Variants in B3GALT1 observed in about 807,000 individuals in gnomAD.
The protein encoded by B3GALT1 is UDP-Gal:betaGlcNAc beta 1,3-galactosyltransferase, polypeptide 1.
In B3GALT1, 10 loss-of-function variants were observed where a neutral mutation model predicts 23.2. That is an observed-to-expected ratio of 0.43 (90% CI 0.27 to 0.73). The LOEUF (loss-of-function observed/expected upper bound fraction) is 0.73, where lower values mean the gene tolerates loss of function less well. Among genes scored for constraint, B3GALT1 ranks in the 30% least tolerant of loss-of-function variants. The pLI is 0.21. For missense variants in B3GALT1, 299 were observed against 405.4 expected, an observed-to-expected ratio of 0.74 and a Z score of 2.25; for synonymous variants, 156 against 141.5, an observed-to-expected ratio of 1.10 and a Z score of -0.73.
At chr2:167,297,033 G>A (rs752974866) in intron 1 of B3GALT1, among the ~76,000 whole-genome samples, 16 of 152,012 alleles carry the variant, frequency 1.1e-4, no homozygotes, top group Non-Finnish European at 2.4e-4. Context: ...AGCTATGTAT[G>A]AGAACAATAA....
intron 3 of B3GALT1, among the ~76,000 whole-genome samples, chr2:167,774,074 C>T (rs1171594544): frequency 1.3e-5 from 2 of 152,106 alleles, no homozygotes; most frequent in Non-Finnish European, 2.9e-5. Flanking sequence ...ATGTAAAGCA[C>T]GTTTTTTCAT....
At position 167,477,903 on chromosome 2, in the gene B3GALT1, A is replaced by G. The variant is rs565894369; in HGVS notation, c.-510-12274A>G. On this transcript the variant is annotated intron_variant, in intron 1 of 4. Coordinates refer to ENST00000392690, the MANE Select transcript of B3GALT1 (RefSeq NM_020981.4). ...ACAACAAAAACACATTTTGAATGGC[A>G]GAATAGAAAATACTAACGATGTATG... Among the ~76,000 whole-genome samples the G allele has an allele frequency of 2.3e-4, 35 of 152,384 alleles. 1 individual carries two copies. In the Middle Eastern group the frequency reaches 0.01, roughly 44 times the overall value.
At chr2:167,331,047 T>C (rs1696965530) in intron 1 of B3GALT1, among the ~76,000 whole-genome samples, 2 of 152,200 alleles carry the variant, frequency 1.3e-5, no homozygotes, top group South Asian at 4.1e-4. Flanking sequence ...GCACTTGGGC[T>C]TCAATTCTGG....
chr2:167,532,985 C>T (rs552736858), intron 2 of B3GALT1, among the ~76,000 whole-genome samples: 1 of 151,786 alleles, frequency 6.6e-6, no homozygotes, highest in African/African-American at 2.4e-5. Flanking sequence ...CCTCAGCCTC[C>T]AGAATAGCTG....
At chr2:167,495,103 T>C (rs1244622673) in intron 2 of B3GALT1, among the ~76,000 whole-genome samples, 1 of 152,158 alleles carries the variant, frequency 6.6e-6, no homozygotes, top group Non-Finnish European at 1.5e-5. Flanking sequence ...ACAGCAGAAA[T>C]TCAGAGTAGA....
At chr2:167,543,934 C>T (rs370224256) in intron 2 of B3GALT1, among the ~76,000 whole-genome samples, 8 of 152,316 alleles carry the variant, frequency 5.3e-5, no homozygotes, top group African/African-American at 1.9e-4. Context: ...AATGCAGTGG[C>T]CTAAAAATGT....
chr2:167,716,026 G>T lies in B3GALT1; in HGVS notation c.-352+69060G>T, dbSNP rs1209201317. ...ATTCTGCGTAGCTCCTCCAGGACCAGCCCCAAGTAGGGCCGAGCGGTAGCG... is the reference window on the plus strand; with the variant it reads ...ATTCTGCGTAGCTCCTCCAGGACCATCCCCAAGTAGGGCCGAGCGGTAGCG... On this transcript the variant is annotated intron_variant, in intron 3 of 4. Coordinates refer to ENST00000392690, the MANE Select transcript of B3GALT1 (RefSeq NM_020981.4). The T allele has an allele frequency of 9.3e-6, 15 of 1,609,358 alleles. No individual in the cohort carries two copies. In the East Asian group the frequency reaches 3.3e-4, roughly 36 times the overall value.
intron 1 of B3GALT1, among the ~76,000 whole-genome samples, chr2:167,314,795 A>G (rs1696686696): frequency 6.6e-6 from 1 of 152,100 alleles, no homozygotes; most frequent in African/African-American, 2.4e-5. Flanking sequence ...TGAGATTCTG[A>G]ACTTCCTTCT....
At chr2:167,318,576 AAGG>A (rs1284007036) in intron 1 of B3GALT1, among the ~76,000 whole-genome samples, 2 of 152,106 alleles carry the variant, frequency 1.3e-5, no homozygotes, top group African/African-American at 4.8e-5. Context: ...TTTTCTATAT[AAGG>A]TTATAAAGTT....
chr2:167,718,512 C>T (rs1687185854), intron 3 of B3GALT1, among the ~76,000 whole-genome samples: 1 of 152,038 alleles, frequency 6.6e-6, no homozygotes. Context: ...TTTTCCTCAC[C>T]AGTTGCTAGG....
At chr2:167,376,504 T>A (rs1403244122) in intron 1 of B3GALT1, among the ~76,000 whole-genome samples, 1 of 152,152 alleles carries the variant, frequency 6.6e-6, no homozygotes, top group East Asian at 1.9e-4. Flanking sequence ...TTTTTATTAG[T>A]GATTCAATTT....
chr2:167,798,999 T>G (rs1258383559), intron 3 of B3GALT1, among the ~76,000 whole-genome samples: 1 of 152,218 alleles, frequency 6.6e-6, no homozygotes, highest in Non-Finnish European at 1.5e-5. Context: ...CAATAAATAT[T>G]TCTGAATGTC....
At chr2:167,848,947 G>A (rs1424384525) in intron 4 of B3GALT1, among the ~76,000 whole-genome samples, 1 of 152,020 alleles carries the variant, frequency 6.6e-6, no homozygotes, top group Non-Finnish European at 1.5e-5. Context: ...GCAACCAAGT[G>A]GAGAATCAAA....
In B3GALT1 at chr2:167,546,060, T is replaced by G. The variant is rs150814473; in HGVS notation, c.-410+55783T>G. On this transcript the variant is annotated intron_variant, in intron 2 of 4. Transcript: ENST00000392690. ...GAAATTTTTCACTTGTGGCATCATA[T>G]TGGTGCTCAAAATGTTTTGGATTTT... 1.0e-3 allele frequency among the ~76,000 whole-genome samples: 158 copies of G among 152,310 alleles called. 1 individual carries two copies. The highest frequency in any genetic ancestry group is 3.6e-3 in the African/African-American group (151 of 41,568).
chr2:167,398,278 A>C (rs1698128007), intron 1 of B3GALT1, among the ~76,000 whole-genome samples: 1 of 152,090 alleles, frequency 6.6e-6, no homozygotes, highest in South Asian at 2.1e-4. Flanking sequence ...CTGTCAGTCT[A>C]GGTCTAGTGA....
chr2:167,389,622 G>C (rs938833153), intron 1 of B3GALT1, among the ~76,000 whole-genome samples: 4 of 152,154 alleles, frequency 2.6e-5, no homozygotes, highest in Admixed American at 2.0e-4. Flanking sequence ...GGTGATGGTA[G>C]GGTGAACTAG....
chr2:167,467,455 T>G (rs1699365888), intron 1 of B3GALT1, among the ~76,000 whole-genome samples: 1 of 152,198 alleles, frequency 6.6e-6, no homozygotes, highest in Non-Finnish European at 1.5e-5. Flanking sequence ...GCCTTATTAC[T>G]TTGAGTTACT....
At chr2:167,527,983 G>C (rs1668708348) in intron 2 of B3GALT1, among the ~76,000 whole-genome samples, 1 of 152,140 alleles carries the variant, frequency 6.6e-6, no homozygotes, top group South Asian at 2.1e-4. Context: ...GGAAGACATT[G>C]GATAACATTA....
chr2:167,824,916 A>T (rs1320428870), intron 4 of B3GALT1, among the ~76,000 whole-genome samples: 1 of 152,194 alleles, frequency 6.6e-6, no homozygotes, highest in Non-Finnish European at 1.5e-5. Context: ...CTGGAGATCC[A>T]TAGAGAGAGA....
Sources: gnomAD v4.1 joint callset for allele counts (sites outside exome capture counted in the v4.1 genomes callset) on GRCh38, gnomAD v4.1.1 for gene constraint, MANE v1.5 for transcripts, NCBI Gene and HGNC (gene_info 2026-07-23, HGNC 2026-07-21) for gene names.